The following DPYSL2 variants were observed in gnomAD, a reference collection of about 807,000 sequenced individuals.
The protein encoded by DPYSL2 is dihydropyrimidinase like 2, also known as dihydropyrimidinase-related protein 2.
A neutral mutation model predicts 69.9 loss-of-function variants in DPYSL2; 13 were observed. That is an observed-to-expected ratio of 0.19 (90% CI 0.12 to 0.30). The LOEUF (loss-of-function observed/expected upper bound fraction) is 0.30. DPYSL2 is among the 10% of genes least tolerant of loss of function. The pLI, the probability that DPYSL2 is intolerant of heterozygous loss-of-function variation, is 1.00. For missense variants in DPYSL2, 587 were observed against 918.9 expected (o/e 0.64, Z 4.67); for synonymous variants, 326 against 359.1 (o/e 0.91, Z 1.04).
At chr8:26,589,981 C>T (rs1046123802) in intron 3 of DPYSL2, among the ~76,000 whole-genome samples, 8 of 152,222 alleles carry the variant, frequency 5.3e-5, no homozygotes, top group Non-Finnish European at 8.8e-5. Flanking sequence ...AGGGACGTGG[C>T]TCCTGAATGT....
At chr8:26,638,383 C>T (rs1342056291) in intron 8 of DPYSL2, among the ~76,000 whole-genome samples, 4 of 152,230 alleles carry the variant, frequency 2.6e-5, no homozygotes, top group African/African-American at 9.6e-5. Flanking sequence ...GTAGTAATGT[C>T]TCCTTCTCTT....
intron 1 of DPYSL2, among the ~76,000 whole-genome samples, chr8:26,572,081 T>G (rs1801245594): frequency 6.6e-6 from 1 of 152,218 alleles, no homozygotes; most frequent in South Asian, 2.1e-4. Flanking sequence ...TGCAGCACTC[T>G]GGGCATTGGG....
chr8:26,646,947 C>G (rs1345987745), intron 10 of DPYSL2, among the ~76,000 whole-genome samples: 1 of 151,530 alleles, frequency 6.6e-6, no homozygotes, highest in South Asian at 2.1e-4. Context: ...CACTCTACTG[C>G]ACTCTAGCCT....
chr8:26,579,759 G>A (rs1414304853), intron 1 of DPYSL2, among the ~76,000 whole-genome samples: 3 of 152,188 alleles, frequency 2.0e-5, no homozygotes, highest in Non-Finnish European at 4.4e-5. Context: ...ACCCACCCTT[G>A]TGTGTTCACT....
At chr8:26,567,864 A>G (rs959377341) in intron 1 of DPYSL2, among the ~76,000 whole-genome samples, 6 of 152,234 alleles carry the variant, frequency 3.9e-5, no homozygotes, top group African/African-American at 1.4e-4. Context: ...TCCAGGCTCC[A>G]GTGTTATTTT....
chr8:26,624,233 A>G lies in DPYSL2; in HGVS notation c.719A>G (p.Tyr240Cys). 6.2e-7 allele frequency: 1 copy of G among 1,614,060 alleles called. No individual in the cohort carries two copies. The highest frequency in any genetic ancestry group is 8.5e-7 in the Non-Finnish European group (1 of 1,180,010). ...EWADSKSCCD[Y>C]SLHVDISEWH... is the part of the protein sequence containing the mutation. ...GCCGACAGCAAGTCCTGCTGTGACT[A>G]CTCTCTGCATGTGGACATCAGTGAG... Residue 240 changes from tyrosine (Y) to cysteine (C), a missense_variant, in exon 4 of 14, where the codon TAC (tyrosine) becomes TGC (cysteine). Tyr to Cys is a radical substitution (Grantham distance 194). Transcript: ENST00000521913. This position sits in a 1 kb window ranked among gnomAD's most constrained non-coding sequence, Gnocchi z 4.7.
At chr8:26,535,966 G>A (rs1005956874) in intron 1 of DPYSL2, among the ~76,000 whole-genome samples, 1 of 150,618 alleles carries the variant, frequency 6.6e-6, no homozygotes, top group South Asian at 2.1e-4. Flanking sequence ...CTGTCACCCA[G>A]GCTGGAGTGC....
At position 26,644,628 on chromosome 8, in the gene DPYSL2, T is replaced by C. The variant is rs1207972968; in HGVS notation, c.1425+537T>C. ...CTTACCTGTATATTTCTTATCATTATCATCAATGGAACAGTAAAGACTGAA... is the reference window on the plus strand; with the variant it reads ...CTTACCTGTATATTTCTTATCATTACCATCAATGGAACAGTAAAGACTGAA... On this transcript the variant is annotated intron_variant, in intron 10 of 13. Transcript: ENST00000521913. The surrounding 1 kb of genome is among the most constrained non-coding windows in gnomAD (Gnocchi z 4.5). Among the ~76,000 whole-genome samples, 5 of 152,142 alleles carry C rather than the reference T, an allele frequency of 3.3e-5. No homozygotes were observed. Among genetic ancestry groups the C allele is most frequent in the African/African-American group, 9.7e-5 (4 of 41,436 alleles).
At chr8:26,551,565 C>G (rs185458249) in intron 1 of DPYSL2, among the ~76,000 whole-genome samples, 1 of 152,248 alleles carries the variant, frequency 6.6e-6, no homozygotes, top group East Asian at 1.9e-4. Context: ...ACAGAACTAA[C>G]ACCATCAACT....
chr8:26,642,332 G>T lies in DPYSL2; in HGVS notation c.1127-1107G>T, dbSNP rs1563423789. Among the ~76,000 whole-genome samples, 1 of 152,180 alleles carries T rather than the reference G, an allele frequency of 6.6e-6. No individual in the cohort carries two copies. Among genetic ancestry groups the T allele is most frequent in the Admixed American group, 6.5e-5 (1 of 15,278 alleles). On this transcript the variant is annotated intron_variant, in intron 8 of 13. Transcript: ENST00000521913. This position sits in a 1 kb window ranked among gnomAD's most constrained non-coding sequence, Gnocchi z 5.3. ...AGACCCGAGTTGTGTTTTGGACGAT[G>T]TTAAAGGAGGAGATCAGCTTCCAGT... is the stretch of plus-strand genomic sequence containing the variant.
chr8:26,567,833 C>A (rs1222755384), intron 1 of DPYSL2, among the ~76,000 whole-genome samples: 2 of 152,222 alleles, frequency 1.3e-5, no homozygotes, highest in African/African-American at 2.4e-5. Context: ...AGATGAAGGG[C>A]ATCAATTCCC....
At chr8:26,602,655 CG>C (rs1802018559) in intron 3 of DPYSL2, among the ~76,000 whole-genome samples, 1 of 152,154 alleles carries the variant, frequency 6.6e-6, no homozygotes, top group South Asian at 2.1e-4. Flanking sequence ...TTCCTTCATC[CG>C]TTCATTTATT....
chr8:26,550,274 A>C (rs748735171), intron 1 of DPYSL2, among the ~76,000 whole-genome samples: 3 of 152,254 alleles, frequency 2.0e-5, no homozygotes, highest in African/African-American at 4.8e-5. Context: ...TGACCAGAAA[A>C]AGCTAAAAAG....
chr8:26,586,964 A>G lies in DPYSL2; in HGVS notation c.628+2981A>G, dbSNP rs1801620262. On this transcript the variant is annotated intron_variant, in intron 3 of 13. Transcript: ENST00000521913. The surrounding 1 kb of genome is among the most constrained non-coding windows in gnomAD (Gnocchi z 4.7). The stretch of plus-strand genomic sequence containing the variant: ...GCCATTGCTTTTATAGCCTGAGAAA[A>G]GTACTAACTACTTTTGCAAATAACC... Among the ~76,000 whole-genome samples, 3 of 152,238 alleles carry G rather than the reference A, an allele frequency of 2.0e-5. No homozygotes were observed. The highest frequency in any genetic ancestry group is 4.4e-5 in the Non-Finnish European group (3 of 68,050).
In DPYSL2 at chr8:26,614,387, G is replaced by C. The variant is rs1423563501; in HGVS notation, c.629-9756G>C. 6.6e-6 allele frequency among the ~76,000 whole-genome samples: 1 copy of C among 152,150 alleles called. No individual in the cohort carries two copies. The highest frequency in any genetic ancestry group is 1.5e-5 in the Non-Finnish European group (1 of 68,016). Reference sequence around the variant, plus strand: ...CAACATTCAGCTCCCTCCATAGCTCGATGAGAAGAGAGGGGTGGGGACAGG... The same window carrying C: ...CAACATTCAGCTCCCTCCATAGCTCCATGAGAAGAGAGGGGTGGGGACAGG... On this transcript the variant is annotated intron_variant, in intron 3 of 13. Transcript: ENST00000521913. This position sits in a 1 kb window ranked among gnomAD's most constrained non-coding sequence, Gnocchi z 4.9.
At chr8:26,576,394 T>C (rs1393138040) in intron 1 of DPYSL2, among the ~76,000 whole-genome samples, 2 of 151,258 alleles carry the variant, frequency 1.3e-5, no homozygotes, top group Non-Finnish European at 2.9e-5. Context: ...CATGATTACG[T>C]AGGGATTCTA....
At chr8:26,561,880 A>G (rs1055535208) in intron 1 of DPYSL2, among the ~76,000 whole-genome samples, 3 of 152,146 alleles carry the variant, frequency 2.0e-5, no homozygotes, top group Non-Finnish European at 2.9e-5. Flanking sequence ...CTCACCTCCT[A>G]CTGTGAGGCC....
rs925723079 is a variant in DPYSL2, at chr8:26,617,209, G to A, written c.629-6934G>A. ...AAGATGTTTCCTTTGGGGGAAACGG[G>A]GTGAAGGGTATGAAGGTTCTCTCTG... On this transcript the variant is annotated intron_variant, in intron 3 of 13. Transcript: ENST00000521913. The surrounding 1 kb of genome is among the most constrained non-coding windows in gnomAD (Gnocchi z 4.7). 6.6e-6 allele frequency among the ~76,000 whole-genome samples: 1 copy of A among 152,194 alleles called. No individual in the cohort carries two copies. The highest frequency in any genetic ancestry group is 1.5e-5 in the Non-Finnish European group (1 of 68,036).
chr8:26,519,713 A>G (rs1182177802), intron 1 of DPYSL2, among the ~76,000 whole-genome samples: 1 of 152,124 alleles, frequency 6.6e-6, no homozygotes, highest in Non-Finnish European at 1.5e-5. Flanking sequence ...TTCTTCCAAT[A>G]GTCAATTACG....
Sources: gnomAD v4.1 joint callset for allele counts (sites outside exome capture counted in the v4.1 genomes callset) on GRCh38, gnomAD v4.1.1 for gene constraint, Gnocchi (gnomAD v3.1) non-coding constraint, MANE v1.5 for transcripts, NCBI Gene and HGNC (gene_info 2026-07-23, HGNC 2026-07-21) for gene names.